Variants in RARB observed in about 807,000 individuals in gnomAD.
RARB encodes retinoic acid receptor beta.
A neutral mutation model predicts 51.9 loss-of-function variants in RARB; 17 were observed. The ratio of observed to expected loss-of-function variants is 0.33; its 90% CI spans 0.22 to 0.49. The LOEUF (loss-of-function observed/expected upper bound fraction) is 0.49. Among genes scored for constraint, RARB ranks in the 20% least tolerant of loss-of-function variants. The probability of loss-of-function intolerance (pLI) is 0.99; values close to 1 mark genes in which losing one functional copy is unlikely to be tolerated. For missense variants in RARB, 369 were observed against 550.8 expected (o/e 0.67, Z 3.30); for synonymous variants, 215 against 195.4 (o/e 1.10, Z -0.84).
chr3:25,253,057 CA>C (rs1321856246), intron 5 of RARB, among the ~76,000 whole-genome samples: 1 of 152,136 alleles, frequency 6.6e-6, no homozygotes, highest in Non-Finnish European at 1.5e-5. Flanking sequence ...CACTAGGATT[CA>C]CAAATCTTGA....
intron 5 of RARB, among the ~76,000 whole-genome samples, chr3:25,231,401 T>C (rs2125390397): frequency 6.6e-6 from 1 of 152,260 alleles, no homozygotes; most frequent in East Asian, 1.9e-4. Flanking sequence ...CTGGGTGTCT[T>C]CTAGCTGTCC....
intron 2 of RARB, among the ~76,000 whole-genome samples, chr3:24,859,524 C>T (rs1381298364): frequency 6.9e-6 from 1 of 145,724 alleles, no homozygotes; most frequent in African/African-American, 2.8e-5. Flanking sequence ...GGTCTCAAAC[C>T]TCTGTATTCT....
chr3:24,991,609 CAAG>C (rs1454227459), intron 2 of RARB, among the ~76,000 whole-genome samples: 2 of 152,000 alleles, frequency 1.3e-5, no homozygotes, highest in East Asian at 1.9e-4. Context: ...TCCTGATTTT[CAAG>C]AAGATTTTAT....
intron 5 of RARB, among the ~76,000 whole-genome samples, chr3:25,400,491 A>C (rs1196823546): frequency 6.6e-6 from 1 of 152,162 alleles, no homozygotes; most frequent in African/African-American, 2.4e-5. Flanking sequence ...TTTCGAAGAA[A>C]GAAGGTCTCA....
chr3:25,410,791 A>T (rs1181157879), intron 5 of RARB, among the ~76,000 whole-genome samples: 2 of 152,230 alleles, frequency 1.3e-5, no homozygotes, highest in Non-Finnish European at 2.9e-5. Flanking sequence ...TACGCCACAG[A>T]AATCAGCAAA....
intron 3 of RARB, among the ~76,000 whole-genome samples, chr3:25,522,168 G>A (rs996505225): frequency 2.0e-5 from 3 of 151,906 alleles, no homozygotes; most frequent in South Asian, 2.1e-4. Context: ...GAAAAAGACC[G>A]GTATTTGTGA....
chr3:25,335,862 G>T (rs1018650731), intron 5 of RARB, among the ~76,000 whole-genome samples: 17 of 152,150 alleles, frequency 1.1e-4, no homozygotes, highest in African/African-American at 4.1e-4. Flanking sequence ...AGGAGAACAT[G>T]TAAAGCATTT....
intron 5 of RARB, among the ~76,000 whole-genome samples, chr3:25,292,036 T>C (rs896132843): frequency 1.3e-4 from 19 of 148,660 alleles, no homozygotes; most frequent in African/African-American, 4.6e-4. Flanking sequence ...GGGTAGTGAG[T>C]CTTCCTCCCA....
At chr3:24,958,248 T>A (rs11708922) in intron 2 of RARB, among the ~76,000 whole-genome samples, 31,768 of 134,216 alleles carry the variant, frequency 0.24, 4,059 homozygotes, top group East Asian at 0.43. Context: ...CTTCCTGAGC[T>A]GCTCAGGTTT....
chr3:25,491,149 G>A (rs1189848498), intron 2 of RARB, among the ~76,000 whole-genome samples: 1 of 152,120 alleles, frequency 6.6e-6, no homozygotes, highest in Non-Finnish European at 1.5e-5. Flanking sequence ...ACACCTAGGG[G>A]ATTTATAATG....
intron 1 of RARB, among the ~76,000 whole-genome samples, chr3:25,456,539 CA>C (rs1484464087): frequency 1.4e-5 from 2 of 137,986 alleles, no homozygotes; most frequent in Non-Finnish European, 3.0e-5. Context: ...GGTGATCTGA[CA>C]GACTATACCA....
chr3:25,356,920 G>C (rs2125461028), intron 5 of RARB, among the ~76,000 whole-genome samples: 1 of 152,202 alleles, frequency 6.6e-6, no homozygotes, highest in East Asian at 1.9e-4. Context: ...AACATTGATG[G>C]GCATTTGGGT....
intron 2 of RARB, among the ~76,000 whole-genome samples, chr3:25,038,436 A>G (rs1698045049): frequency 6.6e-6 from 1 of 152,178 alleles, no homozygotes; most frequent in Non-Finnish European, 1.5e-5. Flanking sequence ...AGAAAATAGA[A>G]TATCTATTAT....
chr3:25,129,788 G>A (rs985987371), intron 3 of RARB, among the ~76,000 whole-genome samples: 1 of 152,032 alleles, frequency 6.6e-6, no homozygotes, highest in Non-Finnish European at 1.5e-5. Flanking sequence ...CCTAAATGTT[G>A]TAGCCATCAT....
Position 25,478,363 on chromosome 3 carries a change from GCT to G in RARB, c.306+17025_306+17026del, listed in dbSNP as rs1281126200. ...GACTGAGTTTAGTTTTGAATCACAG[GCT>G]CTTTCTTCAGTTAGATGCCAGATGA... On this transcript the variant is annotated intron_variant, in intron 2 of 7. Transcript: ENST00000330688. Among the ~76,000 whole-genome samples the G allele has an allele frequency of 2.0e-5, 3 of 152,198 alleles. No individual in the cohort carries two copies. In the East Asian group the frequency reaches 5.8e-4, roughly 29 times the overall value.
chr3:25,429,247 A>G lies in RARB; in HGVS notation c.157+359A>G, dbSNP rs953956985. On this transcript the variant is annotated intron_variant, in intron 1 of 7. Coordinates refer to ENST00000330688, the MANE Select transcript of RARB (RefSeq NM_000965.5). ...CAATTTGACACATTTTGCAGTTTTT[A>G]CTAAAATGTATGCAGAGTGGAATTT... Among the ~76,000 whole-genome samples the G allele has an allele frequency of 3.7e-4, 57 of 152,220 alleles. 1 individual carries two copies. Among genetic ancestry groups the G allele is most frequent in the African/African-American group, 1.2e-3 (49 of 41,466 alleles).
intron 1 of RARB, among the ~76,000 whole-genome samples, chr3:24,848,729 C>G (rs144552737): frequency 4.7e-4 from 71 of 152,296 alleles, no homozygotes; most frequent in Admixed American, 1.5e-3. Context: ...GCAGCATATT[C>G]TATATCCCAT....
rs182367631 is a variant in RARB at position 25,581,024 on chromosome 3, A to G, written c.786+302A>G. On this transcript the variant is annotated intron_variant, in intron 5 of 7. Coordinates refer to ENST00000330688, the MANE Select transcript of RARB (RefSeq NM_000965.5). ...ACCCCAGACCCCCTGATTTTACAAG[A>G]AACAAAATCATCACATATGCTCTCA... Among the ~76,000 whole-genome samples, 41 of 152,222 alleles carry G rather than the reference A, an allele frequency of 2.7e-4. 1 individual carries two copies. The East Asian group carries it at 6.4e-3, about 24-fold the overall frequency.
At chr3:24,954,510 A>T (rs995262900) in intron 2 of RARB, among the ~76,000 whole-genome samples, 6 of 152,220 alleles carry the variant, frequency 3.9e-5, no homozygotes, top group South Asian at 2.1e-4. Context: ...CTTATCTTAC[A>T]GATTTAAAAG....
Sources: gnomAD v4.1 joint callset for allele counts (sites outside exome capture counted in the v4.1 genomes callset) on GRCh38, gnomAD v4.1.1 for gene constraint, MANE v1.5 for transcripts, NCBI Gene and HGNC (gene_info 2026-07-23, HGNC 2026-07-21) for gene names.